The following TTC34 variants were observed in gnomAD, a reference collection of about 807,000 sequenced individuals.
TTC34 encodes the protein tetratricopeptide repeat domain 34, also known as tetratricopeptide repeat protein 34.
In TTC34, 44 loss-of-function variants were observed where a neutral mutation model predicts 40.7. The ratio of observed to expected loss-of-function variants is 1.08; its 90% confidence interval spans 0.85 to 1.39. TTC34 has a LOEUF of 1.39. Among genes scored for constraint, TTC34 ranks in the 40% most tolerant of loss-of-function variants. The pLI is 0.00. For synonymous variants in TTC34, 422 were observed against 398.6 expected, an observed-to-expected ratio of 1.06 and a Z score of -0.70; for missense variants, 884 against 838.0, an observed-to-expected ratio of 1.05 and a Z score of -0.68.
chr1:2,768,084 A>G lies in TTC34; in HGVS notation c.2226+15525T>C, dbSNP rs538942044. ...TTGCCAGCCAGGAACGGCAACCCAC[A>G]TCCCCAGGTAAGTGTCTGACAGCCT... On this transcript the variant is annotated intron_variant, in intron 6 of 8. Coordinates refer to ENST00000401095, the Ensembl canonical transcript of TTC34. 7.3e-3 allele frequency among the ~76,000 whole-genome samples: 1,105 copies of G among 151,560 alleles called. 23 individuals carry two copies. Among genetic ancestry groups the G allele is most frequent in the African/African-American group, 0.025 (1,049 of 41,362 alleles).
chr1:2,755,263 C>T (rs1641466666), intron 6 of TTC34, among the ~76,000 whole-genome samples: 1 of 53,718 alleles, frequency 1.9e-5, no homozygotes, highest in East Asian at 6.5e-4. Flanking sequence ...CACCCACACC[C>T]CCTGATGAGC....
intron 2 of TTC34, among the ~76,000 whole-genome samples, chr1:2,797,231 GC>G (rs887669397): frequency 5.9e-5 from 9 of 152,076 alleles, no homozygotes; most frequent in Non-Finnish European, 2.9e-5. Context: ...ATCAAATGGG[GC>G]CCACCCACTA....
chr1:2,641,424 T>C, exon 9 of TTC34: 2 of 1,534,430 alleles, frequency 1.3e-6, no homozygotes, highest in Non-Finnish European at 1.7e-6. Context: ...TTCAGTCTCT[T>C]CAGGCCACGG....
intron 6 of TTC34, among the ~76,000 whole-genome samples, chr1:2,688,155 A>G (rs1640453331): frequency 7.0e-6 from 1 of 141,934 alleles, no homozygotes; most frequent in Non-Finnish European, 1.5e-5. Flanking sequence ...ACGGCCTGGA[A>G]GGGCACCCAC....
intron 6 of TTC34, among the ~76,000 whole-genome samples, chr1:2,692,469 G>T (rs1226273069): frequency 7.1e-6 from 1 of 141,056 alleles, no homozygotes; most frequent in African/African-American, 2.7e-5. Context: ...CACACCCCCA[G>T]GTGAGCATCT....
intron 7 of TTC34, among the ~76,000 whole-genome samples, chr1:2,644,738 C>T (rs1638984252): frequency 6.6e-6 from 1 of 152,214 alleles, no homozygotes; most frequent in South Asian, 2.1e-4. Context: ...TCCCGGGCAA[C>T]TAGAGGCAAA....
chr1:2,677,618 TGAGCA>T (rs1354078832), intron 6 of TTC34, among the ~76,000 whole-genome samples: 1 of 135,694 alleles, frequency 7.4e-6, no homozygotes, highest in Non-Finnish European at 1.6e-5. Flanking sequence ...CCCCCCCAGG[TGAGCA>T]TCTGACAGCC....
At chr1:2,787,504 C>T (rs939342161) in exon 4 of TTC34, 1 of 1,503,032 alleles carries the variant, frequency 6.7e-7, no homozygotes, top group Non-Finnish European at 8.9e-7. Context: ...TAGAAGAAGC[C>T]CCTCCTCAGC....
chr1:2,639,950 C>T (rs902557561), exon 9 of TTC34: 5 of 152,308 alleles, frequency 3.3e-5, no homozygotes, highest in African/African-American at 1.2e-4. Flanking sequence ...CTGGGGGCCC[C>T]ACTTCCATGC....
chr1:2,792,265 C>T (rs1226298191), intron 2 of TTC34, among the ~76,000 whole-genome samples: 3 of 151,962 alleles, frequency 2.0e-5, no homozygotes, highest in Admixed American at 2.0e-4. Flanking sequence ...TCCCAAAGTA[C>T]TGGTACTCCT....
chr1:2,684,722 G>T (rs1260674008), intron 6 of TTC34, among the ~76,000 whole-genome samples: 3 of 131,360 alleles, frequency 2.3e-5, no homozygotes, highest in Non-Finnish European at 4.7e-5. Context: ...CACACCCCCA[G>T]GCGAGCATCC....
intron 6 of TTC34, among the ~76,000 whole-genome samples, chr1:2,684,482 G>C (rs1189850947): frequency 6.7e-6 from 1 of 149,838 alleles, no homozygotes; most frequent in Non-Finnish European, 1.5e-5. Flanking sequence ...CACACACCCA[G>C]GCGAGCATCT....
intron 6 of TTC34, among the ~76,000 whole-genome samples, chr1:2,756,598 C>T (rs1641513428): frequency 6.6e-6 from 1 of 152,066 alleles, no homozygotes; most frequent in Admixed American, 6.5e-5. Context: ...AACAGGTGAG[C>T]ATCTGACAGC....
rs570174227 is a variant in TTC34, at chr1:2,700,318, G to A, written c.2227-54755C>T. Among the ~76,000 whole-genome samples the A allele has an allele frequency of 2.7e-5, 3 of 109,438 alleles. No individual in the cohort carries two copies. In the South Asian group the frequency reaches 8.5e-4, roughly 31 times the overall value. 71.8% of individuals were successfully genotyped at this position (109,438 alleles called of 152,430 possible). ...CCCCAGGTGAGCATCCGACAGTCTG[G>A]GGCAGCACCCACTCCCGCAGGTGAG... On this transcript the variant is annotated intron_variant, in intron 6 of 8. Coordinates refer to ENST00000401095, the Ensembl canonical transcript of TTC34.
intron 6 of TTC34, among the ~76,000 whole-genome samples, chr1:2,660,812 G>C (rs1210856919): frequency 6.5e-5 from 6 of 92,820 alleles, no homozygotes; most frequent in Non-Finnish European, 6.4e-5. Context: ...GCATCTGACA[G>C]CCTGGAACAG....
chr1:2,694,514 A>T (rs1400749255), intron 6 of TTC34, among the ~76,000 whole-genome samples: 4 of 97,322 alleles, frequency 4.1e-5, no homozygotes, highest in Admixed American at 9.3e-5. Flanking sequence ...CCACACCCCC[A>T]GGTGAACATC....
At chr1:2,748,586 G>GAGCAGC (rs1641221295) in intron 6 of TTC34, among the ~76,000 whole-genome samples, 1 of 150,440 alleles carries the variant, frequency 6.6e-6, no homozygotes, top group Non-Finnish European at 1.5e-5. Context: ...TGACAGCCTG[G>GAGCAGC]AGCAGCACCC....
intron 6 of TTC34, among the ~76,000 whole-genome samples, chr1:2,681,279 TGACA>T (rs1640061986): frequency 1.2e-5 from 1 of 84,426 alleles, no homozygotes; most frequent in African/African-American, 4.8e-5. Context: ...GGTGAGCAAC[TGACA>T]GCCTGGAGCA....
intron 6 of TTC34, among the ~76,000 whole-genome samples, chr1:2,688,214 G>C (rs1483931750): frequency 6.9e-6 from 1 of 144,616 alleles, no homozygotes; most frequent in Non-Finnish European, 1.5e-5. Flanking sequence ...CACACCCCCA[G>C]GGGAGCATCC....
Sources: gnomAD v4.1 joint callset for allele counts (sites outside exome capture counted in the v4.1 genomes callset) on GRCh38, gnomAD v4.1.1 for gene constraint, MANE v1.5 for transcripts, NCBI Gene and HGNC (gene_info 2026-07-23, HGNC 2026-07-21) for gene names.